The following PEX11G variants were observed in gnomAD, a reference collection of about 807,000 sequenced individuals.
PEX11G encodes the protein peroxisomal biogenesis factor 11 gamma, also known as peroxisomal membrane protein 11C.
PEX11G carries 20 observed loss-of-function variants against 22.5 expected under a neutral mutation model. That is an observed-to-expected ratio of 0.89 (90% CI 0.62 to 1.29). The LOEUF (loss-of-function observed/expected upper bound fraction) is 1.29, where lower values mean the gene tolerates loss of function less well. PEX11G is among the 50% of genes most tolerant of loss of function. The pLI, the probability that PEX11G is intolerant of heterozygous loss-of-function variation, is 0.00. For synonymous variants in PEX11G, 141 were observed against 154.5 expected (o/e 0.91, Z 0.65); for missense variants, 347 against 331.3 (o/e 1.05, Z -0.37).
At chr19:7,482,544 G>A (rs1466246139) in intron 2 of PEX11G, among the ~76,000 whole-genome samples, 1 of 152,222 alleles carries the variant, frequency 6.6e-6, no homozygotes, top group African/African-American at 2.4e-5. Flanking sequence ...CCCCAGTACC[G>A]GGAATTTTCA....
At chr19:7,485,608 G>A (rs1250961582) in intron 2 of PEX11G, among the ~76,000 whole-genome samples, 2 of 152,112 alleles carry the variant, frequency 1.3e-5, no homozygotes, top group East Asian at 3.9e-4. Flanking sequence ...GCTCGCCTCA[G>A]CCTCCCAAAG....
At chr19:7,494,580 C>G (rs1240801279) in intron 1 of PEX11G, among the ~76,000 whole-genome samples, 3 of 152,156 alleles carry the variant, frequency 2.0e-5, no homozygotes, top group African/African-American at 7.2e-5. Flanking sequence ...AACAGAGATA[C>G]AGCAGTGAGC....
intron 3 of PEX11G, among the ~76,000 whole-genome samples, chr19:7,480,479 G>T (rs186222047): frequency 6.6e-6 from 1 of 152,306 alleles, no homozygotes. Context: ...GCCTCCAGGG[G>T]CCATGGCCAT....
chr19:7,483,138 C>T (rs1292768370), intron 2 of PEX11G: 1 of 150,626 alleles, frequency 6.6e-6, no homozygotes, highest in Non-Finnish European at 1.5e-5. Context: ...CCCCCTCTAC[C>T]TTTATCCTCC....
chr19:7,490,188 C>G (rs1432239915), upstream of PEX11G, among the ~76,000 whole-genome samples: 1 of 151,876 alleles, frequency 6.6e-6, no homozygotes, highest in East Asian at 1.9e-4. Flanking sequence ...CTTGTCACTT[C>G]TCCAAAAATT....
Position 7,477,386 on chromosome 19 carries a change from T to C in PEX11G, c.542A>G (p.Glu181Gly). ...CAGGTTGCTGAGAAGTGACAGCGCC[T>C]CCGACTGCATCTGCGCCTCCATGGC... is the stretch of plus-strand genomic sequence containing the variant. ...RRAMEAQMQS[E>G]ALSLLSNLAD... is the part of the protein sequence containing the mutation. Residue 181 changes from glutamate (E) to glycine (G), a missense_variant, in exon 5 of 5, where the codon GAG becomes GGG. Glu to Gly is a moderately conservative substitution (Grantham distance 98). Coordinates refer to ENST00000221480, the MANE Select transcript of PEX11G (RefSeq NM_080662.4). The C allele has an allele frequency of 1.3e-6, 2 of 1,544,212 alleles. No individual in the cohort carries two copies. Among genetic ancestry groups the C allele is most frequent in the Admixed American group, 2.0e-5 (1 of 49,842 alleles).
At chr19:7,486,700 T>G (rs1175229578) in intron 1 of PEX11G, among the ~76,000 whole-genome samples, 3 of 151,468 alleles carry the variant, frequency 2.0e-5, no homozygotes, top group Non-Finnish European at 4.4e-5. Flanking sequence ...CCCGGGTTCA[T>G]GCGATTCTCC....
In PEX11G at chr19:7,489,019, C is replaced by T. The variant is rs762191738; in HGVS notation, c.-9G>A. On this transcript the variant is annotated 5_prime_UTR_variant, in exon 1 of 5. Transcript: ENST00000221480. ...CCGCTCAGCGACGCCATGGCAACTC[C>T]GTGACGTCACCGCGACGTCGGCGCG... The T allele has an allele frequency of 4.0e-5, 60 of 1,516,060 alleles. No homozygotes were observed. Among genetic ancestry groups the T allele is most frequent in the Middle Eastern group, 1.8e-4 (1 of 5,602 alleles). The allele number at this position is 1,516,060 out of a possible 1,614,324, so 93.9% of individuals were successfully genotyped here. A position where few individuals can be genotyped will look rare whatever the true frequency, so the allele number is the denominator to read the frequency against.
intron 3 of PEX11G, 74 bp from the exon 4 acceptor site, chr19:7,478,450 A>G: frequency 6.8e-7 from 1 of 1,478,686 alleles, no homozygotes; most frequent in Non-Finnish European, 9.2e-7. Context: ...CTGGCCCCGG[A>G]CATACAGTCT....
intron 3 of PEX11G, 27 bp downstream of exon 3, chr19:7,482,006 T>A: frequency 6.5e-7 from 1 of 1,535,408 alleles, no homozygotes. Flanking sequence ...GGACCTTGGG[T>A]GCTCCCTTCT....
rs752693004 is a variant in PEX11G at position 7,477,468 on chromosome 19, C to G, written c.492-32G>C. The G allele has an allele frequency of 5.8e-6, 8 of 1,383,490 alleles. No homozygotes were observed. In the Admixed American group the frequency reaches 2.4e-4, roughly 41 times the overall value. 85.7% of individuals were successfully genotyped at this position (1,383,490 alleles called of 1,614,324 possible). On this transcript the variant is annotated intron_variant, in intron 4 of 4. Transcript: ENST00000221480. ...GGCAGAGAGGGGCCGCTTACACTCA[C>G]GCTCACACCTGCCTGCCCTTCCCAA... is the stretch of plus-strand genomic sequence containing the variant.
rs2021635465 is a variant in PEX11G at position 7,486,008 on chromosome 19, A to C, written c.79T>G (p.Cys27Gly). Residue 27 changes from cysteine (C) to glycine (G), a missense_variant, in exon 2 of 5, where the codon TGC becomes GGC. Coordinates refer to ENST00000221480, the MANE Select transcript of PEX11G (RefSeq NM_080662.4). ...RDRLIRVLGY[C>G]CQLVGGVLVE... ...AGAACTCCACCAACCAGCTGGCAGCAGTACCCCAGCACTCGGATCTGTGGG... is the reference window on the plus strand; with the variant it reads ...AGAACTCCACCAACCAGCTGGCAGCCGTACCCCAGCACTCGGATCTGTGGG... 8.8e-6 allele frequency: 14 copies of C among 1,596,062 alleles called. No individual in the cohort carries two copies. The highest frequency in any genetic ancestry group is 1.2e-5 in the Non-Finnish European group (14 of 1,166,526).
At chr19:7,492,333 C>G (rs1238576270), upstream of PEX11G, among the ~76,000 whole-genome samples, 1 of 152,178 alleles carries the variant, frequency 6.6e-6, no homozygotes, top group Non-Finnish European at 1.5e-5. Context: ...CTTGCAACAT[C>G]CTTTTTTGAT....
chr19:7,477,789 C>A (rs555174076), intron 4 of PEX11G, among the ~76,000 whole-genome samples: 1 of 152,360 alleles, frequency 6.6e-6, no homozygotes, highest in Non-Finnish European at 1.5e-5. Flanking sequence ...GCCTGCCCGG[C>A]CTTTCTTTAT....
chr19:7,482,276 G>T, intron 2 of PEX11G, 65 bp from the exon 3 acceptor site: 1 of 1,454,610 alleles, frequency 6.9e-7, no homozygotes. Context: ...TAGCACCGTA[G>T]CCATGCCAGG....
At chr19:7,489,159 G>A, upstream of PEX11G, 2 of 1,162,528 alleles carry the variant, frequency 1.7e-6, no homozygotes, top group Non-Finnish European at 2.3e-6. Flanking sequence ...TGTAGGGGAG[G>A]GACAGAGTTT....
At chr19:7,478,455 C>G (rs1977337362) in intron 3 of PEX11G, 79 bp from the exon 4 acceptor site, 1 of 1,404,206 alleles carries the variant, frequency 7.1e-7, no homozygotes, top group African/African-American at 1.4e-5. Flanking sequence ...CCCGGACATA[C>G]AGTCTGGGAC....
At chr19:7,478,200 A>G in intron 4 of PEX11G, 114 bp downstream of exon 4, 3 of 1,159,108 alleles carry the variant, frequency 2.6e-6, no homozygotes, top group Non-Finnish European at 3.7e-6. Flanking sequence ...TGACTCCCCC[A>G]TGACCTGAGC....
intron 1 of PEX11G, among the ~76,000 whole-genome samples, chr19:7,487,082 GT>G (rs778113813): frequency 6.6e-6 from 1 of 152,026 alleles, no homozygotes; most frequent in Non-Finnish European, 1.5e-5. Context: ...AAAGCTGGAA[GT>G]TTAAAAACAT....
Sources: allele counts gnomAD v4.1 joint callset (sites outside exome capture counted in the v4.1 genomes callset), GRCh38; gene constraint gnomAD v4.1.1; transcripts MANE v1.5; gene names NCBI Gene and HGNC (gene_info 2026-07-23, HGNC 2026-07-21).